Variants in ADGRG4 observed in about 807,000 individuals in gnomAD.
ADGRG4 encodes G protein-coupled receptor 112.
ADGRG4 carries 122 observed loss-of-function variants against 126.2 expected under a neutral mutation model. That is an observed-to-expected ratio of 0.97 (90% CI 0.83 to 1.12). The LOEUF is 1.12. Among genes scored for constraint, ADGRG4 ranks in the 50% most tolerant of loss-of-function variants. The pLI is 0.00. For missense variants in ADGRG4, 2,481 were observed against 2,251.8 expected (o/e 1.10, Z -2.06); for synonymous variants, 943 against 838.7 (o/e 1.12, Z -2.15).
chrX:136,301,600 C>A (rs2074700702), intron 1 of ADGRG4, among the ~76,000 whole-genome samples: 1 of 112,115 alleles, frequency 8.9e-6, no homozygotes, highest in Non-Finnish European at 1.9e-5. Context: ...AATTAGATCC[C>A]ATTTGTCAAT....
In ADGRG4 at chrX:136,363,439, C is replaced by G. The variant is rs200535399; in HGVS notation, c.7278-38C>G. 5.5e-6 allele frequency: 5 copies of G among 913,398 alleles called. No individual in the cohort carries two copies. In the East Asian group the frequency reaches 1.5e-4, roughly 28 times the overall value. 75.3% of individuals were successfully genotyped at this position (913,398 alleles called of 1,213,427 possible). On this transcript the variant is annotated intron_variant, in intron 12 of 25. Transcript: ENST00000394143. Reference sequence around the variant, plus strand: ...ATTTGCTTTAAGACTATCTTTGCCTCATCCTCTGATGAGAAAGCTCTTTCC... The same window carrying G: ...ATTTGCTTTAAGACTATCTTTGCCTGATCCTCTGATGAGAAAGCTCTTTCC...
chrX:136,383,862 CTTTCTTTCTTTCTTCTTTCTTCCT>C (rs1569333923), intron 15 of ADGRG4, among the ~76,000 whole-genome samples: 1 of 52,160 alleles, frequency 1.9e-5, no homozygotes, highest in African/African-American at 6.7e-5. Flanking sequence ...TTCTTTCTTT[CTTTCTTTCTTTCTTCTTTCTTCCT>C]TTCCTTTCCT....
At chrX:136,311,583 T>G (rs1199116039) in intron 4 of ADGRG4, among the ~76,000 whole-genome samples, 1 of 110,922 alleles carries the variant, frequency 9.0e-6, no homozygotes, top group East Asian at 2.8e-4. Context: ...GTCAGTAACT[T>G]TTGCTCCTGT....
intron 12 of ADGRG4, among the ~76,000 whole-genome samples, chrX:136,363,267 C>T (rs1291339727): frequency 9.0e-6 from 1 of 111,557 alleles, no homozygotes; most frequent in Non-Finnish European, 1.9e-5. Flanking sequence ...TCCCCTTCCC[C>T]CTTCCCACAT....
At chrX:136,315,446 A>G (rs1034149262) in intron 4 of ADGRG4, among the ~76,000 whole-genome samples, 1 of 111,261 alleles carries the variant, frequency 9.0e-6, no homozygotes, top group Non-Finnish European at 1.9e-5. Flanking sequence ...CACTTCCAAG[A>G]TAAGGCAGAC....
chrX:136,343,372 T>C (rs989349767), intron 5 of ADGRG4, among the ~76,000 whole-genome samples: 27 of 111,333 alleles, frequency 2.4e-4, no homozygotes, highest in African/African-American at 8.8e-4. Flanking sequence ...AAGTAAACAA[T>C]TGGTTATATA....
At chrX:136,307,173 C>T (rs1364600199) in intron 3 of ADGRG4, among the ~76,000 whole-genome samples, 1 of 112,327 alleles carries the variant, frequency 8.9e-6, no homozygotes, top group Non-Finnish European at 1.9e-5. Context: ...TGCTGAAAAT[C>T]CCATTTTATA....
chrX:136,369,832 G>A (rs1354292749), intron 13 of ADGRG4, among the ~76,000 whole-genome samples: 1 of 111,958 alleles, frequency 8.9e-6, no homozygotes, highest in Non-Finnish European at 1.9e-5. Flanking sequence ...GGAGAACTCT[G>A]TCTTTGCTAG....
chrX:136,340,490 A>C (rs2074972980), intron 5 of ADGRG4, among the ~76,000 whole-genome samples: 1 of 111,703 alleles, frequency 9.0e-6, no homozygotes, highest in African/African-American at 3.2e-5. Flanking sequence ...TTAGCATTGC[A>C]ATGCTGTCCT....
At position 136,323,411 on chromosome X, in the gene ADGRG4, T is replaced by G. The variant is rs1269449039; in HGVS notation, c.685+19T>G. On this transcript the variant is annotated intron_variant, in intron 5 of 25. Transcript: ENST00000394143. ...CGCTGCTGTGAGTAACTTAACAACTTTTTTCCTTAGCAAGGGTAGTGTTGA... is the reference window on the plus strand; with the variant it reads ...CGCTGCTGTGAGTAACTTAACAACTGTTTTCCTTAGCAAGGGTAGTGTTGA... The G allele has an allele frequency of 6.8e-6, 8 of 1,182,413 alleles. No individual in the cohort carries two copies. The highest frequency in any genetic ancestry group is 2.3e-5 in the Admixed American group (1 of 42,942).
At chrX:136,310,046 T>A (rs749919175) in intron 4 of ADGRG4, among the ~76,000 whole-genome samples, 15 of 111,569 alleles carry the variant, frequency 1.3e-4, no homozygotes, top group African/African-American at 4.6e-4. Context: ...AATATGGGAA[T>A]CTAGTGTAGT....
At chrX:136,339,479 C>G (rs1031226265) in intron 5 of ADGRG4, among the ~76,000 whole-genome samples, 4 of 111,779 alleles carry the variant, frequency 3.6e-5, no homozygotes, top group African/African-American at 1.3e-4. Context: ...GGTGCCCAGT[C>G]AGTCCCCCTT....
intron 15 of ADGRG4, among the ~76,000 whole-genome samples, chrX:136,379,676 G>A (rs1419289866): frequency 9.1e-6 from 1 of 109,500 alleles, no homozygotes; most frequent in African/African-American, 3.3e-5. Context: ...TGTATGTTGT[G>A]CAACTCTCAC....
intron 5 of ADGRG4, among the ~76,000 whole-genome samples, chrX:136,329,848 T>C (rs1453661117): frequency 6.4e-5 from 7 of 110,067 alleles, no homozygotes; most frequent in African/African-American, 2.3e-4. Flanking sequence ...CTGGCTAATT[T>C]TAATTTATTT....
rs1020230986 is a variant in ADGRG4, at chrX:136,396,543, C to T, written c.8184+1050C>T. Among the ~76,000 whole-genome samples, 10 of 95,833 alleles carry T rather than the reference C, an allele frequency of 1.0e-4. 1 individual carries two copies. The highest frequency in any genetic ancestry group is 3.9e-4 in the African/African-American group (10 of 25,687). The allele number at this position is 95,833 out of a possible 115,157, so 83.2% of individuals were successfully genotyped here. ...CAGGGAGGTTGAGGCTGCAGTAGGC[C>T]GTGGTCAGGCCACTGCACTCCAGCC... On this transcript the variant is annotated intron_variant, in intron 19 of 25. Coordinates refer to ENST00000394143, the MANE Select transcript of ADGRG4 (RefSeq NM_153834.4).
At chrX:136,375,034 C>A (rs766112370) in intron 15 of ADGRG4, among the ~76,000 whole-genome samples, 1 of 109,774 alleles carries the variant, frequency 9.1e-6, no homozygotes, top group East Asian at 2.9e-4. Flanking sequence ...CTTCACCCCC[C>A]CCACCACTCT....
chrX:136,340,722 A>G (rs2074974312), intron 5 of ADGRG4, among the ~76,000 whole-genome samples: 1 of 111,705 alleles, frequency 9.0e-6, no homozygotes, highest in Non-Finnish European at 1.9e-5. Context: ...AGGCATTTCT[A>G]CATACTGTCT....
intron 5 of ADGRG4, 118 bp downstream of exon 5, chrX:136,323,510 G>C (rs1257023167): frequency 3.5e-6 from 2 of 566,302 alleles, no homozygotes; most frequent in African/African-American, 2.4e-5. Flanking sequence ...AGCACATACT[G>C]TTTTCTTTTA....
Position 136,350,189 on chromosome X carries a change from T to C in ADGRG4, c.6483T>C (p.Thr2161=), listed in dbSNP as rs1326048109. 2 of 1,210,098 alleles carry C rather than the reference T, an allele frequency of 1.7e-6. No homozygotes were observed. Among genetic ancestry groups the C allele is most frequent in the East Asian group, 5.9e-5 (2 of 33,813 alleles). The part of the protein sequence containing the change: ...TITSSWNRIP[T]ASSPSTLIIP... ...CATCTTCATGGAACAGAATTCCAACTGCATCATCACCCTCTACTTTAATTA... is the reference window on the plus strand; with the variant it reads ...CATCTTCATGGAACAGAATTCCAACCGCATCATCACCCTCTACTTTAATTA... Residue 2161 remains threonine, a synonymous_variant, in exon 6 of 26, where the codon ACT becomes ACC. Transcript: ENST00000394143.
Sources: allele counts gnomAD v4.1 joint callset (sites outside exome capture counted in the v4.1 genomes callset), GRCh38; gene constraint gnomAD v4.1.1; transcripts MANE v1.5; gene names NCBI Gene and HGNC (gene_info 2026-07-23, HGNC 2026-07-21).